The following PTPRE variants were observed in gnomAD, a reference collection of about 807,000 sequenced individuals.
The protein encoded by PTPRE is protein tyrosine phosphatase receptor type E, also known as receptor-type tyrosine-protein phosphatase epsilon.
Under a neutral mutation model 102.0 loss-of-function variants are expected in PTPRE, and 51 were observed. The ratio of observed to expected loss-of-function variants is 0.50; its 90% CI spans 0.40 to 0.63. The LOEUF is 0.63. Ranked by LOEUF, PTPRE falls within the 30% of genes least tolerant of loss-of-function variation. PTPRE has a pLI of 0.00. For missense variants in PTPRE, 752 were observed against 915.1 expected, an observed-to-expected ratio of 0.82 and a Z score of 2.30; for synonymous variants, 345 against 348.2, an observed-to-expected ratio of 0.99 and a Z score of 0.10.
At chr10:127,924,248 CAG>C (rs1343009146) in intron 1 of PTPRE, among the ~76,000 whole-genome samples, 1 of 152,154 alleles carries the variant, frequency 6.6e-6, no homozygotes, top group Non-Finnish European at 1.5e-5. Flanking sequence ...TGTTTTGAAA[CAG>C]AGTCTCCCTC....
intron 1 of PTPRE, among the ~76,000 whole-genome samples, chr10:127,932,805 A>T (rs1323138300): frequency 6.6e-6 from 1 of 152,152 alleles, no homozygotes; most frequent in Non-Finnish European, 1.5e-5. Context: ...CTGCAGGGTC[A>T]TGTGCCTTTC....
In PTPRE at chr10:128,064,277, C is replaced by G. The variant is rs147172257; in HGVS notation, c.723+1097C>G. 2.4e-3 allele frequency among the ~76,000 whole-genome samples: 366 copies of G among 152,348 alleles called. 4 individuals are homozygous for G. The South Asian group carries it at 0.035, about 14-fold the overall frequency. On this transcript the variant is annotated intron_variant, in intron 10 of 20. Transcript: ENST00000254667. ...AACACAGGAAGCAGCCTCCAGCCAC[C>G]GTTTCTGGTCAGGAATAGGATGGAG...
At position 128,008,114 on chromosome 10, in the gene PTPRE, G is replaced by A. The variant is rs1291238272; in HGVS notation, c.-8+25818G>A. Among the ~76,000 whole-genome samples, 1 of 152,158 alleles carries A rather than the reference G, an allele frequency of 6.6e-6. No homozygotes were observed. The highest frequency in any genetic ancestry group is 6.5e-5 in the Admixed American group (1 of 15,276). ...GCACAGGAGGCACCACGCCACGTGT[G>A]CCTGTCTGCAGAGTCCCCTGCCCAG... On this transcript the variant is annotated intron_variant, in intron 2 of 20. Coordinates refer to ENST00000254667, the MANE Select transcript of PTPRE (RefSeq NM_006504.6). The surrounding 1 kb of genome is among the most constrained non-coding windows in gnomAD (Gnocchi z 4.0).
At chr10:128,034,482 G>A (rs1310570360) in intron 2 of PTPRE, among the ~76,000 whole-genome samples, 3 of 152,074 alleles carry the variant, frequency 2.0e-5, no homozygotes, top group Non-Finnish European at 4.4e-5. Flanking sequence ...TTGAGTCTAG[G>A]AGTTTGAGAC....
intron 1 of PTPRE, among the ~76,000 whole-genome samples, chr10:127,928,634 C>G (rs921590239): frequency 1.3e-5 from 2 of 152,204 alleles, no homozygotes; most frequent in Non-Finnish European, 2.9e-5. Context: ...ATCTGGAATC[C>G]TGCACTCATC....
chr10:127,991,505 A>G (rs2135508691), intron 2 of PTPRE, among the ~76,000 whole-genome samples: 1 of 152,320 alleles, frequency 6.6e-6, no homozygotes, highest in East Asian at 1.9e-4. Context: ...GGCTCTTAAG[A>G]CACGGCAAGC....
chr10:128,053,813 T>G (rs934339890), intron 6 of PTPRE, among the ~76,000 whole-genome samples: 3 of 152,106 alleles, frequency 2.0e-5, no homozygotes, highest in African/African-American at 7.2e-5. Context: ...CAGGCTGGAG[T>G]GCAGTGGTGA....
At chr10:128,022,322 G>C (rs1845957756) in intron 2 of PTPRE, among the ~76,000 whole-genome samples, 1 of 152,232 alleles carries the variant, frequency 6.6e-6, no homozygotes, top group Non-Finnish European at 1.5e-5. Flanking sequence ...GGCAGGGCCA[G>C]GGCTGCCCCC....
intron 6 of PTPRE, among the ~76,000 whole-genome samples, chr10:128,055,700 G>A (rs116149218): frequency 0.01 from 1,566 of 152,208 alleles, 34 homozygotes; most frequent in African/African-American, 0.035. Context: ...ACAGCATCCC[G>A]CTGTAAACCC....
intron 17 of PTPRE, among the ~76,000 whole-genome samples, chr10:128,076,233 T>C (rs749151439): frequency 7.9e-5 from 12 of 152,196 alleles, no homozygotes; most frequent in Non-Finnish European, 1.2e-4. Context: ...CACGTGGAAG[T>C]GCAGGGTGTA....
At chr10:128,058,539 A>G (rs1406284201) in intron 7 of PTPRE, among the ~76,000 whole-genome samples, 1 of 152,216 alleles carries the variant, frequency 6.6e-6, no homozygotes, top group Non-Finnish European at 1.5e-5. Flanking sequence ...ATGGGTTTAC[A>G]GAATGGTGGC....
Position 128,049,608 on chromosome 10 carries a change from A to C in PTPRE, c.362A>C (p.Glu121Ala), listed in dbSNP as rs1398391973. The part of the protein sequence containing the change: ...KYFPIPVEHL[E>A]EEIRIRSADD... ...TTTCCCATCCCCGTGGAGCACCTGG[A>C]GGAGGAGATCCGTATCAGATCCGCC... The change falls in exon 6 of 21, where the codon GAG becomes GCG. Residue 121 changes from glutamate to alanine, a missense_variant. Transcript: ENST00000254667. The C allele has an allele frequency of 1.2e-6, 2 of 1,613,832 alleles. No individual in the cohort carries two copies. The highest frequency in any genetic ancestry group is 1.7e-6 in the Non-Finnish European group (2 of 1,180,016).
chr10:127,910,906 G>T (rs1477668768), intron 1 of PTPRE, among the ~76,000 whole-genome samples: 1 of 152,076 alleles, frequency 6.6e-6, no homozygotes, highest in African/African-American at 2.4e-5. Context: ...CAACATGATG[G>T]AACTCTGTAC....
intron 1 of PTPRE, among the ~76,000 whole-genome samples, chr10:127,947,152 T>TA (rs5788880): frequency 0.098 from 14,905 of 152,052 alleles, 1,066 homozygotes; most frequent in African/African-American, 0.19. Flanking sequence ...AGTTTGACTT[T>TA]AAAAAAAATA....
At chr10:127,961,010 G>C (rs1233782033) in intron 1 of PTPRE, among the ~76,000 whole-genome samples, 7 of 113,216 alleles carry the variant, frequency 6.2e-5, no homozygotes, top group African/African-American at 2.8e-4. Context: ...CAAAGACCCA[G>C]ACTCTGTCAA....
rs118191196 is a variant in PTPRE, at chr10:128,018,464, A to G, written c.-7-22411A>G. 9.0e-3 allele frequency among the ~76,000 whole-genome samples: 1,373 copies of G among 152,344 alleles called. 11 individuals are homozygous for G. Among genetic ancestry groups the G allele is most frequent in the Admixed American group, 0.018 (283 of 15,308 alleles). On this transcript the variant is annotated intron_variant, in intron 2 of 20. Coordinates refer to ENST00000254667, the MANE Select transcript of PTPRE (RefSeq NM_006504.6). Reference sequence around the variant, plus strand: ...TTTCCTGTCTTGTGGTCCAATCAAAATAGGTCTTACTGACCCAGCCAAAAT... The same window carrying G: ...TTTCCTGTCTTGTGGTCCAATCAAAGTAGGTCTTACTGACCCAGCCAAAAT...
chr10:127,977,824 C>T (rs1851298619), intron 1 of PTPRE, among the ~76,000 whole-genome samples: 1 of 152,192 alleles, frequency 6.6e-6, no homozygotes. Flanking sequence ...GGTGGATTTC[C>T]CCTGTTCCGA....
chr10:127,956,423 T>C (rs7074442), intron 1 of PTPRE, among the ~76,000 whole-genome samples: 1 of 152,214 alleles, frequency 6.6e-6, no homozygotes, highest in Non-Finnish European at 1.5e-5. Context: ...TCCCCTCTCA[T>C]ATGTCTATAT....
chr10:128,039,607 A>G (rs1031994580), intron 2 of PTPRE, among the ~76,000 whole-genome samples: 9 of 152,222 alleles, frequency 5.9e-5, no homozygotes, highest in African/African-American at 1.4e-4. Context: ...AGGATTTTTC[A>G]TGCTCATTCA....
Sources: allele counts gnomAD v4.1 joint callset (sites outside exome capture counted in the v4.1 genomes callset), GRCh38; gene constraint gnomAD v4.1.1; non-coding constraint Gnocchi (gnomAD v3.1); transcripts MANE v1.5; gene names NCBI Gene and HGNC (gene_info 2026-07-23, HGNC 2026-07-21).